The following HOXC6 variants were observed in gnomAD, a reference collection of about 807,000 sequenced individuals.
HOXC6 encodes homeobox C6.
Under a neutral mutation model 24.0 loss-of-function variants are expected in HOXC6, and 10 were observed. That is an observed-to-expected ratio of 0.42 (90% CI 0.26 to 0.71). The LOEUF (loss-of-function observed/expected upper bound fraction) is 0.71, where lower values mean the gene tolerates loss of function less well. HOXC6 is among the 30% of genes least tolerant of loss of function. The probability of loss-of-function intolerance (pLI) is 0.28; values close to 1 mark genes in which losing one functional copy is unlikely to be tolerated. For synonymous variants in HOXC6, 123 were observed against 128.1 expected (o/e 0.96, Z 0.27); for missense variants, 258 against 303.4 (o/e 0.85, Z 1.11).
chr12:54,017,125 C>G (rs1317885922), exon 1 of HOXC6: 1 of 152,146 alleles, frequency 6.6e-6, no homozygotes, highest in African/African-American at 2.4e-5. Context: ...CCTCTGGCCC[C>G]CAAGGGGCAG....
rs2136436634 is a variant in HOXC6, at chr12:54,028,846, G to A, written c.325G>A (p.Gly109Ser). The A allele has an allele frequency of 1.2e-6, 2 of 1,614,046 alleles. No homozygotes were observed. The highest frequency in any genetic ancestry group is 1.1e-5 in the South Asian group (1 of 91,074). Residue 109 changes from glycine to serine, a missense_variant, in exon 1 of 2, where the codon GGC becomes AGC. Transcript: ENST00000243108. ...CGCTCAGGATTTTAGTTCTGAGCAGGGCAGGACTGCGCCCCAGGACCAGAA... is the reference window on the plus strand; with the variant it reads ...CGCTCAGGATTTTAGTTCTGAGCAGAGCAGGACTGCGCCCCAGGACCAGAA... ...SIAQDFSSEQ[G>S]RTAPQDQKAS...
upstream of HOXC6, among the ~76,000 whole-genome samples, chr12:54,026,595 A>T (rs1411737722): frequency 2.6e-5 from 4 of 152,090 alleles, no homozygotes; most frequent in African/African-American, 9.7e-5. Flanking sequence ...AATACCGACA[A>T]ATTTCTGTCC....
rs1319533204 is a variant in HOXC6 at position 54,029,490 on chromosome 12, G to T, written c.401-165G>T. On this transcript the variant is annotated intron_variant, in intron 1 of 1. Transcript: ENST00000243108. The stretch of plus-strand genomic sequence containing the variant: ...GAGGTCTGAAGTTGGGGTCCTCGCT[G>T]TACCCCCAGTGGGGGTGGGGCAAGG... 7.2e-6 allele frequency: 4 copies of T among 553,064 alleles called. No homozygotes were observed. The African/African-American group carries it at 8.4e-5, about 12-fold the overall frequency. The allele number at this position is 553,064 out of a possible 1,614,324, so 34.3% of individuals were successfully genotyped here. A position where few individuals can be genotyped will look rare whatever the true frequency, so the allele number is the denominator to read the frequency against.
Position 54,028,561 on chromosome 12 carries a change from C to T in HOXC6, c.40C>T (p.Leu14Phe). The T allele has an allele frequency of 6.2e-7, 1 of 1,614,170 alleles. No homozygotes were observed. The highest frequency in any genetic ancestry group is 8.5e-7 in the Non-Finnish European group (1 of 1,180,014). The change falls in exon 1 of 2, where the codon CTC becomes TTC. Residue 14 changes from leucine (L) to phenylalanine (F), a missense_variant. By Grantham distance (22) the Leu-to-Phe change is conservative. Transcript: ENST00000243108. ...CACTAACCCTTCCTTATCCTGCCAC[C>T]TCGCCGGGGGCCAGGACGTCCTCCC... ...YFTNPSLSCH[L>F]AGGQDVLPNV...
At chr12:54,019,567 TG>T (rs964168034) in intron 1 of HOXC6, among the ~76,000 whole-genome samples, 5 of 152,066 alleles carry the variant, frequency 3.3e-5, no homozygotes, top group Non-Finnish European at 5.9e-5. Flanking sequence ...TGGCCGCTGA[TG>T]GGGGGGAACA....
At chr12:54,026,795 A>C (rs1940721042), upstream of HOXC6, among the ~76,000 whole-genome samples, 1 of 152,192 alleles carries the variant, frequency 6.6e-6, no homozygotes, top group Admixed American at 6.5e-5. Flanking sequence ...CCTTAACGTT[A>C]CAGAAGATGA....
At chr12:54,028,432 C>T (rs1940827427), upstream of HOXC6, 1 of 1,389,918 alleles carries the variant, frequency 7.2e-7, no homozygotes, top group Non-Finnish European at 9.9e-7. Flanking sequence ...TGGATTGGAG[C>T]CGTCCCTATA....
At chr12:54,025,909 G>A (rs1453334098), upstream of HOXC6, among the ~76,000 whole-genome samples, 5 of 152,056 alleles carry the variant, frequency 3.3e-5, no homozygotes, top group African/African-American at 1.2e-4. Flanking sequence ...TGCTGCCCCA[G>A]AAGCCCCTTC....
chr12:54,027,249 C>T (rs1365552632), upstream of HOXC6, among the ~76,000 whole-genome samples: 1 of 152,206 alleles, frequency 6.6e-6, no homozygotes, highest in Non-Finnish European at 1.5e-5. Flanking sequence ...ATCCCCACCA[C>T]GGGTGACTGG....
intron 1 of HOXC6, among the ~76,000 whole-genome samples, chr12:54,017,634 T>A (rs1940214142): frequency 6.6e-6 from 1 of 151,138 alleles, no homozygotes; most frequent in African/African-American, 2.4e-5. Context: ...CTGATGTCAC[T>A]GTGTGCCAAG....
In HOXC6 at chr12:54,030,007, C is replaced by G. The variant is rs1272554248; in HGVS notation, c.*45C>G. 3 of 1,437,268 alleles carry G rather than the reference C, an allele frequency of 2.1e-6. No individual in the cohort carries two copies. The highest frequency in any genetic ancestry group is 2.8e-6 in the Non-Finnish European group (3 of 1,077,342). 89.0% of individuals were successfully genotyped at this position (1,437,268 alleles called of 1,614,324 possible). On this transcript the variant is annotated 3_prime_UTR_variant, in exon 2 of 2. Coordinates refer to ENST00000243108, the MANE Select transcript of HOXC6 (RefSeq NM_004503.4). ...CCCTCTCTCCCTTTCTCCCTCGCTC[C>G]CCACCAACTCTCCCCTAATCACACA...
chr12:54,019,136 T>G (rs1224195362), intron 1 of HOXC6, among the ~76,000 whole-genome samples: 2 of 146,818 alleles, frequency 1.4e-5, no homozygotes, highest in Admixed American at 6.8e-5. Flanking sequence ...TCTGAGGTAT[T>G]CTCCCGCGGG....
chr12:54,029,342 T>C (rs1940879545), intron 1 of HOXC6, among the ~76,000 whole-genome samples: 1 of 152,044 alleles, frequency 6.6e-6, no homozygotes, highest in Admixed American at 6.5e-5. Context: ...TCATCCCCAT[T>C]ATCTGGGATT....
rs201730816 is a variant in HOXC6, at chr12:54,028,665, G to T, written c.144G>T (p.Arg48=). Reference sequence around the variant, plus strand: ...ATGGAGCGGCCGTTGCCCAGAACCGGATCTACTCGACTCCCTTTTATTCGC... The same window carrying T: ...ATGGAGCGGCCGTTGCCCAGAACCGTATCTACTCGACTCCCTTTTATTCGC... The part of the protein sequence containing the change: ...STYGAAVAQN[R]IYSTPFYSPQ... Residue 48 remains arginine (R), a synonymous_variant, in exon 1 of 2, where the codon CGG becomes CGT. Coordinates refer to ENST00000243108, the MANE Select transcript of HOXC6 (RefSeq NM_004503.4). The T allele has an allele frequency of 9.3e-6, 15 of 1,613,894 alleles. No homozygotes were observed. Among genetic ancestry groups the T allele is most frequent in the African/African-American group, 1.3e-5 (1 of 74,832 alleles).
At chr12:54,028,319 C>G (rs1473149757), upstream of HOXC6, 3 of 533,304 alleles carry the variant, frequency 5.6e-6, no homozygotes, top group Admixed American at 9.9e-5. Flanking sequence ...TTAGTCTCAA[C>G]TAGGGAATCA....
chr12:54,029,743 T>C lies in HOXC6; in HGVS notation c.489T>C (p.Asn163=). 6.2e-7 allele frequency: 1 copy of C among 1,614,178 alleles called. No homozygotes were observed. Among genetic ancestry groups the C allele is most frequent in the Non-Finnish European group, 8.5e-7 (1 of 1,180,036 alleles). ...AACTGGAGAAGGAATTTCACTTCAATCGCTACCTAACGCGGCGCCGGCGCA... is the reference window on the plus strand; with the variant it reads ...AACTGGAGAAGGAATTTCACTTCAACCGCTACCTAACGCGGCGCCGGCGCA... ...TLELEKEFHF[N]RYLTRRRRIE... Residue 163 remains asparagine, a synonymous_variant, in exon 2 of 2, where the codon AAT becomes AAC. Coordinates refer to ENST00000243108, the MANE Select transcript of HOXC6 (RefSeq NM_004503.4).
chr12:54,027,896 A>C (rs967033072), upstream of HOXC6, among the ~76,000 whole-genome samples: 2 of 151,846 alleles, frequency 1.3e-5, no homozygotes, highest in African/African-American at 2.4e-5. Flanking sequence ...ATTTCTTTCT[A>C]CTTTTGATTT....
chr12:54,025,105 G>C (rs567346754), upstream of HOXC6, among the ~76,000 whole-genome samples: 30 of 152,272 alleles, frequency 2.0e-4, no homozygotes, highest in South Asian at 5.0e-3. Context: ...GATGGGGTTG[G>C]GGGGTAGTGT....
chr12:54,022,847 G>A (rs1202535032), intron 1 of HOXC6, among the ~76,000 whole-genome samples: 1 of 152,120 alleles, frequency 6.6e-6, no homozygotes, highest in African/African-American at 2.4e-5. Context: ...TCTCAAATGG[G>A]TCCAAGCAGT....
Sources: gnomAD v4.1 joint callset for allele counts (sites outside exome capture counted in the v4.1 genomes callset) on GRCh38, gnomAD v4.1.1 for gene constraint, MANE v1.5 for transcripts, NCBI Gene and HGNC (gene_info 2026-07-23, HGNC 2026-07-21) for gene names.